The following SLC9B1 variants were observed in gnomAD, a reference collection of about 807,000 sequenced individuals.
The protein encoded by SLC9B1 is solute carrier family 9 member B1.
SLC9B1 carries 32 observed loss-of-function variants against 51.7 expected under a neutral mutation model. The observed-to-expected ratio is 0.62, with a 90% CI of 0.47 to 0.83. The LOEUF (loss-of-function observed/expected upper bound fraction) is 0.83. Among genes scored for constraint, SLC9B1 ranks in the 40% least tolerant of loss-of-function variants. SLC9B1 has a pLI of 0.00. For missense variants in SLC9B1, 406 were observed against 613.2 expected, an observed-to-expected ratio of 0.66 and a Z score of 3.57; for synonymous variants, 145 against 212.7, an observed-to-expected ratio of 0.68 and a Z score of 2.77.
intron 7 of SLC9B1, among the ~76,000 whole-genome samples, chr4:102,917,429 G>GTATCTATATCTATATCTA (rs70941638): frequency 3.2e-3 from 446 of 139,402 alleles, no homozygotes; most frequent in Non-Finnish European, 5.0e-3. Flanking sequence ...TTATATGCAT[G>GTATCTATATCTATATCTA]TATCTATATC....
At chr4:103,007,359 A>C (rs72937493) in intron 1 of SLC9B1, among the ~76,000 whole-genome samples, 281 of 152,306 alleles carry the variant, frequency 1.8e-3, no homozygotes, top group African/African-American at 6.5e-3. Context: ...CAAGAACAAG[A>C]TTCCATATAC....
rs1739191712 is a variant in SLC9B1, at chr4:102,978,475, A to G, written c.211+11325T>C. ...AACTCAAACAAATTTATAAGAAAAA[A>G]ACAAACAATCCCATCAACCAGTGGG... On this transcript the variant is annotated intron_variant, in intron 3 of 11. Coordinates refer to ENST00000296422, the MANE Select transcript of SLC9B1 (RefSeq NM_139173.4). Among the ~76,000 whole-genome samples the G allele has an allele frequency of 2.6e-5, 4 of 152,318 alleles. No homozygotes were observed. In the South Asian group the frequency reaches 8.3e-4, roughly 32 times the overall value.
chr4:102,929,156 C>G (rs1736329280), intron 7 of SLC9B1, among the ~76,000 whole-genome samples: 1 of 152,222 alleles, frequency 6.6e-6, no homozygotes, highest in Non-Finnish European at 1.5e-5. Context: ...TTGACACTTA[C>G]TTAATATTAA....
chr4:102,971,211 A>T (rs892069072), intron 3 of SLC9B1, among the ~76,000 whole-genome samples: 3 of 152,222 alleles, frequency 2.0e-5, no homozygotes, highest in Non-Finnish European at 4.4e-5. Context: ...CATCTCACTT[A>T]TTCCAAAATT....
chr4:102,902,775 C>A (rs1734848232), intron 11 of SLC9B1, among the ~76,000 whole-genome samples: 1 of 152,052 alleles, frequency 6.6e-6, no homozygotes, highest in Non-Finnish European at 1.5e-5. Context: ...AATCCAATTG[C>A]CAAGCTGATC....
intron 1 of SLC9B1, among the ~76,000 whole-genome samples, chr4:103,008,051 G>T (rs1740882623): frequency 6.6e-6 from 1 of 152,118 alleles, no homozygotes; most frequent in Non-Finnish European, 1.5e-5. Context: ...ACATATAAAT[G>T]ATCAGCTCAG....
intron 3 of SLC9B1, among the ~76,000 whole-genome samples, chr4:102,967,539 C>A (rs1220887297): frequency 6.6e-6 from 1 of 152,058 alleles, no homozygotes; most frequent in Non-Finnish European, 1.5e-5. Context: ...AGAACAAGGT[C>A]AAAGGGGAGT....
chr4:102,891,201 A>G (rs1734231606), intron 11 of SLC9B1: 1 of 147,026 alleles, frequency 6.8e-6, no homozygotes, highest in African/African-American at 2.7e-5. Context: ...TTTTTAAAAA[A>G]TTTTTAATGG....
intron 3 of SLC9B1, among the ~76,000 whole-genome samples, chr4:102,961,518 T>C (rs191288592): frequency 1.3e-5 from 2 of 152,408 alleles, no homozygotes; most frequent in African/African-American, 4.8e-5. Flanking sequence ...GTCTGAATAG[T>C]ATTTGCCAAC....
chr4:102,924,111 C>G (rs1472323873), intron 7 of SLC9B1, among the ~76,000 whole-genome samples: 1 of 152,130 alleles, frequency 6.6e-6, no homozygotes, highest in Non-Finnish European at 1.5e-5. Context: ...CAGTCTTAAG[C>G]CAAAAGAACA....
intron 4 of SLC9B1, among the ~76,000 whole-genome samples, chr4:102,948,208 T>C (rs1189692483): frequency 6.6e-6 from 1 of 152,056 alleles, no homozygotes; most frequent in Non-Finnish European, 1.5e-5. Context: ...AATCCACTTA[T>C]TCTAGTTCAG....
chr4:102,943,150 G>A (rs188286690), intron 6 of SLC9B1, among the ~76,000 whole-genome samples: 15 of 132,552 alleles, frequency 1.1e-4, no homozygotes, highest in Admixed American at 1.1e-3. Flanking sequence ...TCCAAGAATA[G>A]CCATAATCAA....
At chr4:102,962,505 T>C (rs1336543502) in intron 3 of SLC9B1, 8 of 481,080 alleles carry the variant, frequency 1.7e-5, no homozygotes, top group South Asian at 3.1e-5. Flanking sequence ...GGATTCTACA[T>C]TGCAGTTCAG....
At chr4:102,958,558 A>T (rs1293356918) in intron 3 of SLC9B1, among the ~76,000 whole-genome samples, 1 of 152,070 alleles carries the variant, frequency 6.6e-6, no homozygotes, top group African/African-American at 2.4e-5. Flanking sequence ...GGCAAAGGTG[A>T]GAGGACTGAT....
At chr4:102,951,599 C>G (rs1397078425) in intron 3 of SLC9B1, among the ~76,000 whole-genome samples, 2 of 150,112 alleles carry the variant, frequency 1.3e-5, no homozygotes, top group Non-Finnish European at 3.0e-5. Context: ...AAAAAAAAAA[C>G]CACTAAGTAC....
In SLC9B1 at chr4:102,962,379, A is replaced by G. The variant is rs1233224685; in HGVS notation, c.212-12952T>C. On this transcript the variant is annotated intron_variant, in intron 3 of 11. Coordinates refer to ENST00000296422, the MANE Select transcript of SLC9B1 (RefSeq NM_139173.4). ...GGTTCATGGAGCAAGTGGTTTTTAAATATCTTTGAGCAGAATCTGAGGACC... is the reference window on the plus strand; with the variant it reads ...GGTTCATGGAGCAAGTGGTTTTTAAGTATCTTTGAGCAGAATCTGAGGACC... The G allele has an allele frequency of 5.6e-6, 3 of 538,472 alleles. No individual in the cohort carries two copies. The East Asian group carries it at 1.6e-4, about 28-fold the overall frequency. 33.4% of individuals were successfully genotyped at this position (538,472 alleles called of 1,614,324 possible). A position where few individuals can be genotyped will look rare whatever the true frequency, so the allele number is the denominator to read the frequency against.
chr4:102,990,372 G>A (rs1243533001), intron 2 of SLC9B1, among the ~76,000 whole-genome samples: 1 of 151,988 alleles, frequency 6.6e-6, no homozygotes, highest in Admixed American at 6.6e-5. Context: ...AAAGAAAAAT[G>A]AGAAAAACAT....
chr4:102,946,594 AC>A, intron 5 of SLC9B1, 52 bp downstream of exon 5: 5 of 1,560,504 alleles, frequency 3.2e-6, no homozygotes, highest in Non-Finnish European at 3.5e-6. Context: ...TTTCTTTCTC[AC>A]CGTCCTCTAA....
At chr4:102,955,895 AAGAAAGAG>A (rs749099620) in intron 3 of SLC9B1, among the ~76,000 whole-genome samples, 13,847 of 123,706 alleles carry the variant, frequency 0.11, 891 homozygotes, top group African/African-American at 0.17. Context: ...GAAAGAAAGA[AAGAAAGAG>A]AGAGAAAGAC....
Sources: gnomAD v4.1 joint callset for allele counts (sites outside exome capture counted in the v4.1 genomes callset) on GRCh38, gnomAD v4.1.1 for gene constraint, MANE v1.5 for transcripts, NCBI Gene and HGNC (gene_info 2026-07-23, HGNC 2026-07-21) for gene names.